The following KIAA1958 variants were observed in gnomAD, a reference collection of about 807,000 sequenced individuals.
KIAA1958 encodes the protein KIAA1958, also known as uncharacterized protein KIAA1958.
Under a neutral mutation model 47.2 loss-of-function variants are expected in KIAA1958, and 14 were observed. That is an observed-to-expected ratio of 0.30 (90% CI 0.20 to 0.46). The LOEUF (loss-of-function observed/expected upper bound fraction) is 0.46. Among genes scored for constraint, KIAA1958 ranks in the 20% least tolerant of loss-of-function variants. KIAA1958 has a pLI of 1.00. For missense variants in KIAA1958, 803 were observed against 909.2 expected (o/e 0.88, Z 1.50); for synonymous variants, 354 against 353.3 (o/e 1.00, Z -0.02).
intron 2 of KIAA1958, among the ~76,000 whole-genome samples, chr9:112,581,623 C>G (rs911110243): frequency 8.5e-5 from 13 of 152,194 alleles, no homozygotes; most frequent in African/African-American, 3.1e-4. Flanking sequence ...CTCACTCATC[C>G]AGGAAGTGAA....
chr9:112,628,502 A>C (rs920305815), intron 2 of KIAA1958, among the ~76,000 whole-genome samples: 1 of 152,166 alleles, frequency 6.6e-6, no homozygotes, highest in Non-Finnish European at 1.5e-5. Context: ...AAGAAGTTCT[A>C]CCTCTGTCCA....
chr9:112,599,357 A>G (rs1836089461), intron 2 of KIAA1958, among the ~76,000 whole-genome samples: 1 of 127,916 alleles, frequency 7.8e-6, no homozygotes, highest in African/African-American at 3.1e-5. Flanking sequence ...AAATTAGAAG[A>G]TGCTTATATA....
At chr9:112,543,567 C>CTTTTTTT (rs138422704) in intron 1 of KIAA1958, among the ~76,000 whole-genome samples, 2 of 108,182 alleles carry the variant, frequency 1.8e-5, no homozygotes, top group Admixed American at 9.5e-5. Context: ...TTCTGAGCTT[C>CTTTTTTT]TTTTTTTTTT....
At position 112,667,285 on chromosome 9, in the gene KIAA1958, A is replaced by G. The variant is rs1213894212; in HGVS notation, c.*7216A>G. The G allele has an allele frequency of 6.6e-6, 1 of 152,212 alleles. No homozygotes were observed. The highest frequency in any genetic ancestry group is 1.5e-5 in the Non-Finnish European group (1 of 68,050). The allele number at this position is 152,212 out of a possible 1,614,324, so 9.4% of individuals were successfully genotyped here. ...AAAAAAATAAAATGAGGCATATAAAAAAGTCAATGGGCCAGGCGCGGTGGC... is the reference window on the plus strand; with the variant it reads ...AAAAAAATAAAATGAGGCATATAAAGAAGTCAATGGGCCAGGCGCGGTGGC... On this transcript the variant is annotated 3_prime_UTR_variant, in exon 4 of 4. Transcript: ENST00000337530.
chr9:112,487,946 CGTGTGT>C lies in KIAA1958; in HGVS notation c.-25+851_-25+856del, dbSNP rs57108785. ...CAATTATATGTATTTAGTGTGTGTG[CGTGTGT>C]GTGTGTGTGTGTGTGTGTGTGTTTT... On this transcript the variant is annotated intron_variant, in intron 1 of 3. Transcript: ENST00000337530. 4.3e-3 allele frequency among the ~76,000 whole-genome samples: 628 copies of C among 145,836 alleles called. 4 individuals carry two copies. Among genetic ancestry groups the C allele is most frequent in the African/African-American group, 0.014 (566 of 39,300 alleles).
chr9:112,593,613 C>T (rs1287829940), intron 2 of KIAA1958, among the ~76,000 whole-genome samples: 1 of 152,094 alleles, frequency 6.6e-6, no homozygotes, highest in Non-Finnish European at 1.5e-5. Flanking sequence ...GGGTCTTCCT[C>T]TATCACCCAG....
At chr9:112,647,010 A>G (rs547644266) in intron 3 of KIAA1958, among the ~76,000 whole-genome samples, 1 of 152,328 alleles carries the variant, frequency 6.6e-6, no homozygotes, top group East Asian at 1.9e-4. Context: ...TTGAAGCCCA[A>G]GGGCAAGTGA....
chr9:112,574,067 G>C lies in KIAA1958; in HGVS notation c.-14G>C, dbSNP rs2131173421. ...ATTATTTCCCTTTAGGAGTGACACTGCTGATCCTGTAACATGGAGGATTGT... is the reference window on the plus strand; with the variant it reads ...ATTATTTCCCTTTAGGAGTGACACTCCTGATCCTGTAACATGGAGGATTGT... On this transcript the variant is annotated 5_prime_UTR_variant, in exon 2 of 4. Transcript: ENST00000337530. 1 of 1,537,484 alleles carries C rather than the reference G, an allele frequency of 6.5e-7. No individual in the cohort carries two copies. Among genetic ancestry groups the C allele is most frequent in the Non-Finnish European group, 8.8e-7 (1 of 1,130,178 alleles).
At chr9:112,609,916 C>G (rs1836296181) in intron 2 of KIAA1958, among the ~76,000 whole-genome samples, 1 of 152,110 alleles carries the variant, frequency 6.6e-6, no homozygotes, top group Non-Finnish European at 1.5e-5. Flanking sequence ...GAATGGACAT[C>G]TTGTATAATA....
At chr9:112,553,091 CT>C (rs1333413971) in intron 1 of KIAA1958, among the ~76,000 whole-genome samples, 1 of 151,090 alleles carries the variant, frequency 6.6e-6, no homozygotes, top group Non-Finnish European at 1.5e-5. Flanking sequence ...TTTTCCTTTC[CT>C]TTCCTTTCTT....
In KIAA1958 at chr9:112,667,578, A is replaced by C. The variant is rs1479610098; in HGVS notation, c.*7509A>C. ...GCAACAGAGTGAGACTCCATCTCAAAAAAACAGAAAAAAAAGTAACAAATT... is the reference window on the plus strand; with the variant it reads ...GCAACAGAGTGAGACTCCATCTCAACAAAACAGAAAAAAAAGTAACAAATT... On this transcript the variant is annotated 3_prime_UTR_variant, in exon 4 of 4. Transcript: ENST00000337530. 1 of 152,222 alleles carries C rather than the reference A, an allele frequency of 6.6e-6. No homozygotes were observed. Among genetic ancestry groups the C allele is most frequent in the Non-Finnish European group, 1.5e-5 (1 of 68,040 alleles). The allele number at this position is 152,222 out of a possible 1,614,324, so 9.4% of individuals were successfully genotyped here.
At chr9:112,637,884 C>T (rs10817363) in intron 2 of KIAA1958, among the ~76,000 whole-genome samples, 18,106 of 152,010 alleles carry the variant, frequency 0.12, 1,287 homozygotes, top group East Asian at 0.29. Context: ...CGCGGTGGCT[C>T]ACACCTGTAA....
intron 1 of KIAA1958, among the ~76,000 whole-genome samples, chr9:112,541,443 T>A (rs1834941652): frequency 6.6e-6 from 1 of 152,074 alleles, no homozygotes; most frequent in Admixed American, 6.5e-5. Flanking sequence ...ACAGGACTGA[T>A]AGAAGTTCTT....
At chr9:112,589,076 A>T (rs185099109) in intron 2 of KIAA1958, among the ~76,000 whole-genome samples, 15 of 152,272 alleles carry the variant, frequency 9.9e-5, no homozygotes, top group African/African-American at 3.1e-4. Flanking sequence ...CACCGTGCCC[A>T]GCTCTCTAAT....
intron 3 of KIAA1958, among the ~76,000 whole-genome samples, chr9:112,650,789 T>C (rs1837044602): frequency 6.6e-6 from 1 of 152,194 alleles, no homozygotes; most frequent in African/African-American, 2.4e-5. Flanking sequence ...TATGTGCTAT[T>C]CACATCTGGC....
chr9:112,629,940 T>A (rs1836680140), intron 2 of KIAA1958, among the ~76,000 whole-genome samples: 1 of 152,246 alleles, frequency 6.6e-6, no homozygotes, highest in Non-Finnish European at 1.5e-5. Context: ...TCTGCAAAGC[T>A]GGCTGATTTT....
chr9:112,649,732 T>TA (rs1203137434), intron 3 of KIAA1958, among the ~76,000 whole-genome samples: 2 of 152,120 alleles, frequency 1.3e-5, no homozygotes, highest in African/African-American at 4.8e-5. Context: ...GAAAGAAAAA[T>TA]ACTTTCACTA....
intron 1 of KIAA1958, among the ~76,000 whole-genome samples, chr9:112,552,640 G>T (rs1835170376): frequency 6.6e-6 from 1 of 152,210 alleles, no homozygotes; most frequent in Non-Finnish European, 1.5e-5. Context: ...CATCAACATA[G>T]TGAATTTGGG....
intron 2 of KIAA1958, among the ~76,000 whole-genome samples, chr9:112,616,781 C>T (rs1836413965): frequency 6.6e-6 from 1 of 151,774 alleles, no homozygotes. Flanking sequence ...TTACATTTTA[C>T]TGAAATGAAA....
Sources: gnomAD v4.1 joint callset for allele counts (sites outside exome capture counted in the v4.1 genomes callset) on GRCh38, gnomAD v4.1.1 for gene constraint, MANE v1.5 for transcripts, NCBI Gene and HGNC (gene_info 2026-07-23, HGNC 2026-07-21) for gene names.